ATP2B3: variants seen among roughly 807,000 people sequenced by gnomAD.
ATP2B3 encodes plasma membrane calcium-transporting ATPase 3.
Under a neutral mutation model 70.8 loss-of-function variants are expected in ATP2B3, and 12 were observed. The observed-to-expected ratio is 0.17, with a 90% CI of 0.11 to 0.27. The LOEUF (loss-of-function observed/expected upper bound fraction) is 0.27, where lower values mean the gene tolerates loss of function less well. ATP2B3 is among the 10% of genes least tolerant of loss of function. The pLI is 1.00. For synonymous variants in ATP2B3, 460 were observed against 497.8 expected (o/e 0.92, Z 1.01); for missense variants, 858 against 1,118.5 (o/e 0.77, Z 3.32).
intron 21 of ATP2B3, among the ~76,000 whole-genome samples, chrX:153,566,756 C>G (rs2090713183): frequency 9.0e-6 from 1 of 111,004 alleles, no homozygotes; most frequent in Non-Finnish European, 1.9e-5. Flanking sequence ...GGCTGCCTTT[C>G]CAATCATGCC....
At chrX:153,539,965 CA>C (rs1250405851) in intron 3 of ATP2B3, among the ~76,000 whole-genome samples, 3 of 112,960 alleles carry the variant, frequency 2.7e-5, no homozygotes, top group Non-Finnish European at 3.8e-5. Context: ...ATTGTGAAGG[CA>C]AAGCCAATTT....
intron 21 of ATP2B3, among the ~76,000 whole-genome samples, chrX:153,572,266 G>A (rs1557020143): frequency 1.8e-5 from 2 of 112,783 alleles, no homozygotes. Flanking sequence ...CAGGGGCGTC[G>A]AGTCACGTGG....
At chrX:153,520,141 G>A (rs1438354247) in intron 2 of ATP2B3, among the ~76,000 whole-genome samples, 3 of 112,765 alleles carry the variant, frequency 2.7e-5, no homozygotes, top group Non-Finnish European at 5.6e-5. Context: ...AGCAGGAGAA[G>A]CCAAGCCTGT....
rs1443198199 is a variant in ATP2B3, at chrX:153,553,095, C to T, written c.1884C>T (p.Asp628=). The change falls in exon 13 of 22, where the codon GAC becomes GAT. Residue 628 remains aspartate (D), a synonymous_variant. Transcript: ENST00000263519. ...ELRGFRPRDR[D]DMVRKIIEPM... The stretch of plus-strand genomic sequence containing the variant: ...GGGGCTTTCGGCCTCGGGACCGGGA[C>T]GACATGGTGAGGAAGATCATCGAGC... 7.5e-6 allele frequency: 9 copies of T among 1,207,589 alleles called. No individual in the cohort carries two copies. Among genetic ancestry groups the T allele is most frequent in the South Asian group, 1.8e-5 (1 of 56,757 alleles).
At chrX:153,561,876 G>A (rs1450355740) in intron 19 of ATP2B3, among the ~76,000 whole-genome samples, 1 of 112,763 alleles carries the variant, frequency 8.9e-6, no homozygotes, top group Non-Finnish European at 1.9e-5. Flanking sequence ...CACAGCCTCC[G>A]TCTTGCTGAA....
chrX:153,581,358 C>T lies in ATP2B3; in HGVS notation c.*1060C>T, dbSNP rs1479797490. The T allele has an allele frequency of 8.9e-6, 1 of 111,981 alleles. No individual in the cohort carries two copies. The highest frequency in any genetic ancestry group is 2.8e-4 in the East Asian group (1 of 3,560). 9.2% of individuals were successfully genotyped at this position (111,981 alleles called of 1,213,427 possible). A position where few individuals can be genotyped will look rare whatever the true frequency, so the allele number is the denominator to read the frequency against. ...AAAATATTGATGAGAAGGAGTCCTCCAGTTAGTGAAAGGGGAGTTTCGTTT... is the reference window on the plus strand; with the variant it reads ...AAAATATTGATGAGAAGGAGTCCTCTAGTTAGTGAAAGGGGAGTTTCGTTT... On this transcript the variant is annotated 3_prime_UTR_variant, in exon 22 of 22. Transcript: ENST00000263519.
rs1192928093 is a variant in ATP2B3, at chrX:153,525,364, G to A, written c.-127+6813G>A. Among the ~76,000 whole-genome samples, 6 of 112,203 alleles carry A rather than the reference G, an allele frequency of 5.3e-5. No homozygotes were observed. The East Asian group carries it at 8.4e-4, about 16-fold the overall frequency. On this transcript the variant is annotated intron_variant, in intron 2 of 21. Transcript: ENST00000263519. ...CAGGGGTGTGATGGTGGCACAGGGC[G>A]TGACCAAATGGGAAGGGGCCCTTTC...
intron 2 of ATP2B3, among the ~76,000 whole-genome samples, chrX:153,521,923 C>G (rs782734014): frequency 5.3e-5 from 6 of 112,199 alleles, no homozygotes; most frequent in African/African-American, 1.9e-4. Flanking sequence ...AGTCCTCACA[C>G]GGACCCTGAA....
At position 153,536,382 on chromosome X, in the gene ATP2B3, G is replaced by A. The variant is rs144995459; in HGVS notation, c.135G>A (p.Ala45=). Residue 45 remains alanine, a synonymous_variant, in exon 3 of 22, where the codon GCG becomes GCA. Transcript: ENST00000263519. ...RTLMELRGAE[A]LQKIEEAYGD... ...TCATGGAGCTGCGAGGGGCCGAGGCGCTGCAGAAGATCGAGGAGGCCTACG... is the reference window on the plus strand; with the variant it reads ...TCATGGAGCTGCGAGGGGCCGAGGCACTGCAGAAGATCGAGGAGGCCTACG... 156 of 1,204,198 alleles carry A rather than the reference G, an allele frequency of 1.3e-4. No homozygotes were observed. In the African/African-American group the frequency reaches 1.5e-3, roughly 11 times the overall value.
intron 3 of ATP2B3, among the ~76,000 whole-genome samples, chrX:153,539,709 C>T (rs1310695452): frequency 1.8e-5 from 2 of 112,997 alleles, no homozygotes; most frequent in African/African-American, 3.2e-5. Context: ...CAGCACTGGG[C>T]GCCGGGTGAG....
At chrX:153,530,697 G>T (rs981065109) in intron 2 of ATP2B3, among the ~76,000 whole-genome samples, 3 of 111,059 alleles carry the variant, frequency 2.7e-5, no homozygotes, top group Admixed American at 9.4e-5. Flanking sequence ...GTGGGGAGGG[G>T]GCGCCATGGT....
Position 153,560,813 on chromosome X carries a change from G to A in ATP2B3, c.2977G>A (p.Glu993Lys). The stretch of plus-strand genomic sequence containing the variant: ...GATCAACGCCCGCAAGATCCACGGC[G>A]AGAGGAACGTGTTCGACGGCATCTT... Reference protein sequence around the residue: ...NEINARKIHGERNVFDGIFSN... With the variant: ...NEINARKIHGKRNVFDGIFSN... Residue 993 changes from glutamate to lysine, a missense_variant, in exon 19 of 22, where the codon GAG becomes AAG. Physicochemically the swap from Glu to Lys is moderately conservative, Grantham distance 56. Transcript: ENST00000263519. 1 of 1,212,082 alleles carries A rather than the reference G, an allele frequency of 8.3e-7. No individual in the cohort carries two copies.
rs1364253450 is a variant in ATP2B3, at chrX:153,580,561, GGGA to G, written c.*268_*270del. 2.9e-4 allele frequency: 95 copies of G among 329,788 alleles called. No individual in the cohort carries two copies. The highest frequency in any genetic ancestry group is 2.3e-3 in the African/African-American group (89 of 38,802). 27.2% of individuals were successfully genotyped at this position (329,788 alleles called of 1,213,427 possible). ...AAGGAGGAAGAGGAGGACAAAAAGG[GGGA>G]GGAGAAGGTTCTTCGTCCAAAGGAG... On this transcript the variant is annotated 3_prime_UTR_variant, in exon 22 of 22. Transcript: ENST00000263519.
intron 3 of ATP2B3, among the ~76,000 whole-genome samples, chrX:153,538,468 C>T (rs782696678): frequency 1.8e-5 from 2 of 113,172 alleles, no homozygotes; most frequent in South Asian, 3.6e-4. Flanking sequence ...TCCTGGAAAC[C>T]GCGCTGCTGT....
Position 153,536,244 on chromosome X carries a change from C to T in ATP2B3, c.-4C>T. The T allele has an allele frequency of 8.4e-7, 1 of 1,188,111 alleles. No individual in the cohort carries two copies. ...TGCACTTGTGAGAAGGCCTGACAGG[C>T]AGCATGGGCGACATGGCCAATAGTT... On this transcript the variant is annotated 5_prime_UTR_variant, in exon 3 of 22. Coordinates refer to ENST00000263519, the MANE Select transcript of ATP2B3 (RefSeq NM_001001344.3).
At chrX:153,555,011 A>C (rs987586799) in intron 13 of ATP2B3, among the ~76,000 whole-genome samples, 4 of 112,194 alleles carry the variant, frequency 3.6e-5, no homozygotes, top group Non-Finnish European at 5.6e-5. Context: ...CTTTTCAGGG[A>C]CAGGCATTCG....
intron 21 of ATP2B3, among the ~76,000 whole-genome samples, chrX:153,576,129 G>A (rs935636490): frequency 1.8e-5 from 2 of 111,678 alleles, no homozygotes; most frequent in African/African-American, 3.3e-5. Flanking sequence ...GTCAGGACAC[G>A]GGCCAGTTCC....
rs782250982 is a variant in ATP2B3 at position 153,580,781 on chromosome X, C to CAA, written c.*497_*498dup. 5.8e-3 allele frequency: 540 copies of CAA among 93,301 alleles called. 2 individuals carry two copies. The highest frequency in any genetic ancestry group is 0.016 in the African/African-American group (399 of 25,215). 7.7% of individuals were successfully genotyped at this position (93,301 alleles called of 1,213,427 possible). A position where few individuals can be genotyped will look rare whatever the true frequency, so the allele number is the denominator to read the frequency against. ...GGGCAATCAGATCAGCATCTTCATGCAAAAAAAAAAAAAAAGTTGAGTGCT... is the reference window on the plus strand; with the variant it reads ...GGGCAATCAGATCAGCATCTTCATGCAAAAAAAAAAAAAAAAAGTTGAGTGCT... On this transcript the variant is annotated 3_prime_UTR_variant, in exon 22 of 22. Coordinates refer to ENST00000263519, the MANE Select transcript of ATP2B3 (RefSeq NM_001001344.3).
intron 2 of ATP2B3, among the ~76,000 whole-genome samples, 166 bp from the exon 3 acceptor site, chrX:153,535,956 G>T (rs2090185332): frequency 8.8e-6 from 1 of 113,125 alleles, no homozygotes; most frequent in African/African-American, 3.2e-5. Context: ...TGGCTGGTGG[G>T]GCCTGGCAGA....
Sources: allele counts gnomAD v4.1 joint callset (sites outside exome capture counted in the v4.1 genomes callset), GRCh38; gene constraint gnomAD v4.1.1; transcripts MANE v1.5; gene names NCBI Gene and HGNC (gene_info 2026-07-23, HGNC 2026-07-21).